The following KIAA0319 variants were observed in gnomAD, a reference collection of about 807,000 sequenced individuals.
KIAA0319 encodes KIAA0319, also known as dyslexia-associated protein KIAA0319.
A neutral mutation model predicts 108.4 loss-of-function variants in KIAA0319; 83 were observed. That is an observed-to-expected ratio of 0.77 (90% CI 0.64 to 0.92). KIAA0319 has a LOEUF of 0.92. Among genes scored for constraint, KIAA0319 ranks in the 40% least tolerant of loss-of-function variants. KIAA0319 has a pLI of 0.00. For synonymous variants in KIAA0319, 484 were observed against 510.4 expected (o/e 0.95, Z 0.70); for missense variants, 1,195 against 1,322.4 (o/e 0.90, Z 1.49).
intron 1 of KIAA0319, among the ~76,000 whole-genome samples, chr6:24,635,339 G>A (rs1199832623): frequency 6.6e-6 from 1 of 151,994 alleles, no homozygotes; most frequent in African/African-American, 2.4e-5. Context: ...CCTGACCTCA[G>A]GTGACCCAAT....
At chr6:24,642,900 G>A (rs1777153136) in intron 1 of KIAA0319, among the ~76,000 whole-genome samples, 1 of 152,130 alleles carries the variant, frequency 6.6e-6, no homozygotes, top group Non-Finnish European at 1.5e-5. Flanking sequence ...TAGAGATGGG[G>A]TTTCACCATG....
At chr6:24,626,173 G>T (rs906132637) in intron 1 of KIAA0319, among the ~76,000 whole-genome samples, 1 of 152,186 alleles carries the variant, frequency 6.6e-6, no homozygotes, top group Non-Finnish European at 1.5e-5. Flanking sequence ...CAAATCAGTG[G>T]CTGCCAGTGG....
At chr6:24,553,011 G>A (rs1454441618) in intron 19 of KIAA0319, among the ~76,000 whole-genome samples, 2 of 151,874 alleles carry the variant, frequency 1.3e-5, no homozygotes, top group Non-Finnish European at 2.9e-5. Context: ...TTGAGCATGG[G>A]GTTCTGGAAG....
intron 14 of KIAA0319, 105 bp downstream of exon 14, chr6:24,566,492 A>T (rs1763914204): frequency 3.8e-6 from 4 of 1,041,418 alleles, no homozygotes; most frequent in Non-Finnish European, 5.3e-6. Flanking sequence ...CCTTATACTT[A>T]TATCCTTTCC....
chr6:24,633,946 A>G (rs1730518715), intron 1 of KIAA0319, among the ~76,000 whole-genome samples: 1 of 152,254 alleles, frequency 6.6e-6, no homozygotes, highest in Non-Finnish European at 1.5e-5. Context: ...CAAACAAAAA[A>G]TTAATGTGAA....
At chr6:24,575,400 T>A (rs1765328820) in intron 10 of KIAA0319, among the ~76,000 whole-genome samples, 1 of 152,100 alleles carries the variant, frequency 6.6e-6, no homozygotes, top group Non-Finnish European at 1.5e-5. Context: ...AAATAAAAAA[T>A]ATCCCATCTT....
At chr6:24,547,569 G>T (rs1237064233) in intron 20 of KIAA0319, among the ~76,000 whole-genome samples, 1 of 152,174 alleles carries the variant, frequency 6.6e-6, no homozygotes, top group Non-Finnish European at 1.5e-5. Context: ...AGATGCTTGA[G>T]CCTGGGCAAG....
At chr6:24,642,051 G>A (rs1427813703) in intron 1 of KIAA0319, among the ~76,000 whole-genome samples, 6 of 133,812 alleles carry the variant, frequency 4.5e-5, no homozygotes, top group African/African-American at 1.7e-4. Context: ...GAAAGGAAGG[G>A]GAGGGGAGGG....
At chr6:24,561,540 A>C (rs1455758003) in intron 16 of KIAA0319, among the ~76,000 whole-genome samples, 1 of 152,136 alleles carries the variant, frequency 6.6e-6, no homozygotes, top group Non-Finnish European at 1.5e-5. Flanking sequence ...ATATTCTCTT[A>C]TAATCCTCCC....
intron 10 of KIAA0319, 62 bp downstream of exon 10, chr6:24,576,306 A>C: frequency 1.5e-6 from 2 of 1,320,200 alleles, no homozygotes; most frequent in Non-Finnish European, 2.2e-6. Flanking sequence ...AACCAATAGC[A>C]CATAGCTAGG....
chr6:24,625,222 T>G (rs1376673355), intron 1 of KIAA0319, among the ~76,000 whole-genome samples: 1 of 152,156 alleles, frequency 6.6e-6, no homozygotes, highest in Non-Finnish European at 1.5e-5. Flanking sequence ...GAATCCCAAC[T>G]TCATACCATA....
chr6:24,580,757 G>GA (rs66935018), intron 7 of KIAA0319, among the ~76,000 whole-genome samples, 169 bp downstream of exon 7: 8,339 of 150,816 alleles, frequency 0.055, 535 homozygotes, highest in African/African-American at 0.16. Context: ...GCGAAAGGTA[G>GA]AAAAAAAAAC....
At chr6:24,552,699 G>A (rs1490415874) in intron 19 of KIAA0319, among the ~76,000 whole-genome samples, 10 of 152,010 alleles carry the variant, frequency 6.6e-5, no homozygotes, top group African/African-American at 1.7e-4. Flanking sequence ...TCTTCCTCCC[G>A]GGTTCAAGCG....
Position 24,596,349 on chromosome 6 carries a change from T to A in KIAA0319, c.325A>T (p.Arg109Trp), listed in dbSNP as rs1311833690. The stretch of plus-strand genomic sequence containing the variant: ...CCATAGTCCAGCAGCTGTGCAGGCC[T>A]CTGAACAGGCCGGAGCACAAAAGTG... Reference protein sequence around the residue: ...YLTFVLRPVQRPAQLLDYGDM... With the variant: ...YLTFVLRPVQWPAQLLDYGDM... Residue 109 changes from arginine to tryptophan, a missense_variant, in exon 3 of 21, where the codon AGG (arginine) becomes TGG (tryptophan). By Grantham distance (101) the Arg-to-Trp change is moderately radical. Transcript: ENST00000378214. 1 of 1,614,252 alleles carries A rather than the reference T, an allele frequency of 6.2e-7. No homozygotes were observed. The highest frequency in any genetic ancestry group is 8.5e-7 in the Non-Finnish European group (1 of 1,180,048).
intron 19 of KIAA0319, among the ~76,000 whole-genome samples, chr6:24,553,080 C>T (rs1239063488): frequency 2.6e-5 from 4 of 151,884 alleles, no homozygotes; most frequent in Admixed American, 1.3e-4. Context: ...AAAAAGGAAA[C>T]ACCTAAAGCA....
rs1176799138 is a variant in KIAA0319, at chr6:24,547,294, C to T, written c.3090G>A (p.Glu1030=). 6.2e-7 allele frequency: 1 copy of T among 1,614,196 alleles called. No homozygotes were observed. Among genetic ancestry groups the T allele is most frequent in the Non-Finnish European group, 8.5e-7 (1 of 1,180,018 alleles). Residue 1030 remains glutamate (E), a synonymous_variant, in exon 21 of 21, where the codon GAG becomes GAA. Coordinates refer to ENST00000378214, the MANE Select transcript of KIAA0319 (RefSeq NM_014809.4). ...TEHNSSLMVS[E]SEFDSDQDTI... ...TGTCCTGGTCACTGTCAAACTCAGA[C>T]TCGGATACCATCAGGCTGGAGTTGT...
At chr6:24,547,441 T>C in intron 20 of KIAA0319, 98 bp from the exon 21 acceptor site, 1 of 1,004,606 alleles carries the variant, frequency 1.0e-6, no homozygotes, top group Non-Finnish European at 1.5e-6. Context: ...CACGGAGTGG[T>C]GCTCTCCGCC....
rs147658566 is a variant in KIAA0319 at position 24,587,280 on chromosome 6, C to CTT, written c.994+1311_994+1312dup. On this transcript the variant is annotated intron_variant, in intron 4 of 20. Coordinates refer to ENST00000378214, the MANE Select transcript of KIAA0319 (RefSeq NM_014809.4). ...ACTCCACACTATTTTCTTTTTTTTC[C>CTT]TTTTTTTTTGGTTTGAGACGGAATC... Among the ~76,000 whole-genome samples the CTT allele has an allele frequency of 3.7e-4, 55 of 150,042 alleles. No individual in the cohort carries two copies. In the East Asian group the frequency reaches 6.3e-3, roughly 17 times the overall value.
chr6:24,556,964 T>C (rs1188962043), intron 17 of KIAA0319, among the ~76,000 whole-genome samples: 1 of 152,212 alleles, frequency 6.6e-6, no homozygotes, highest in East Asian at 1.9e-4. Context: ...TTAAAAATAT[T>C]GGGAGGCCGA....
Sources: gnomAD v4.1 joint callset for allele counts (sites outside exome capture counted in the v4.1 genomes callset) on GRCh38, gnomAD v4.1.1 for gene constraint, MANE v1.5 for transcripts, NCBI Gene and HGNC (gene_info 2026-07-23, HGNC 2026-07-21) for gene names.